SLC36A4: variants seen among roughly 807,000 people sequenced by gnomAD.
SLC36A4 encodes the protein solute carrier family 36 member 4.
SLC36A4 carries 49 observed loss-of-function variants against 50.5 expected under a neutral mutation model. That is an observed-to-expected ratio of 0.97 (90% CI 0.77 to 1.23). The LOEUF is 1.23. Ranked by LOEUF, SLC36A4 falls within the 50% of genes most tolerant of loss-of-function variation. The probability of loss-of-function intolerance (pLI) is 0.00; values close to 1 mark genes in which losing one functional copy is unlikely to be tolerated. For missense variants in SLC36A4, 611 were observed against 608.4 expected (o/e 1.00, Z -0.05); for synonymous variants, 207 against 206.5 (o/e 1.00, Z -0.02).
At chr11:93,166,449 T>C (rs528234477) in intron 7 of SLC36A4, 20 of 983,812 alleles carry the variant, frequency 2.0e-5, no homozygotes, top group Admixed American at 6.0e-5. Flanking sequence ...TTCTCTAAGA[T>C]ACCTGGTTCC....
intron 6 of SLC36A4, among the ~76,000 whole-genome samples, chr11:93,172,557 T>C (rs1424182687): frequency 6.6e-6 from 1 of 151,278 alleles, no homozygotes; most frequent in Non-Finnish European, 1.5e-5. Flanking sequence ...TAACTCGTCA[T>C]CTAGCATTAG....
chr11:93,195,013 A>T (rs1862361043), intron 1 of SLC36A4, among the ~76,000 whole-genome samples: 1 of 152,006 alleles, frequency 6.6e-6, no homozygotes, highest in African/African-American at 2.4e-5. Flanking sequence ...CGGAGCCCTC[A>T]GTTTTGTGCA....
intron 9 of SLC36A4, among the ~76,000 whole-genome samples, chr11:93,157,060 A>G (rs781536851): frequency 1.3e-5 from 2 of 152,172 alleles, no homozygotes; most frequent in Non-Finnish European, 2.9e-5. Context: ...TCTATCCCAT[A>G]TGGCTGGCTG....
At chr11:93,165,891 A>T (rs1416358250) in intron 8 of SLC36A4, 27 bp downstream of exon 8, 4 of 1,406,470 alleles carry the variant, frequency 2.8e-6, no homozygotes, top group Non-Finnish European at 3.9e-6. Context: ...AGATTTTAAA[A>T]AATAATAATA....
chr11:93,175,649 C>G (rs1861428488), intron 6 of SLC36A4, among the ~76,000 whole-genome samples: 1 of 80,802 alleles, frequency 1.2e-5, no homozygotes, highest in South Asian at 4.7e-4. Flanking sequence ...TATGTTGTGT[C>G]TTTGTTCTCG....
At chr11:93,178,399 A>G (rs1472295704) in intron 6 of SLC36A4, among the ~76,000 whole-genome samples, 3 of 152,082 alleles carry the variant, frequency 2.0e-5, no homozygotes, top group African/African-American at 7.2e-5. Context: ...GGCTGCACCC[A>G]CTGTCCAACA....
In SLC36A4 at chr11:93,184,507, G is replaced by C. The variant is rs761099043; in HGVS notation, c.193C>G (p.Leu65Val). ...DQEGISFVQT[L>V]MHLLKGNIGT... ...ATATTTCCTTTAAGAAGGTGCATAAGAGTTTGTACAAATCTGAAAAGTAAA... is the reference window on the plus strand; with the variant it reads ...ATATTTCCTTTAAGAAGGTGCATAACAGTTTGTACAAATCTGAAAAGTAAA... The change falls in exon 3 of 11, where the codon CTT becomes GTT. Residue 65 changes from leucine to valine, a missense_variant. Transcript: ENST00000326402. 8 of 1,601,542 alleles carry C rather than the reference G, an allele frequency of 5.0e-6. No homozygotes were observed. Among genetic ancestry groups the C allele is most frequent in the Non-Finnish European group, 6.8e-6 (8 of 1,170,334 alleles).
At chr11:93,170,450 C>T (rs1261913235) in intron 6 of SLC36A4, among the ~76,000 whole-genome samples, 1 of 151,982 alleles carries the variant, frequency 6.6e-6, no homozygotes, top group African/African-American at 2.4e-5. Flanking sequence ...CTTTTGTCAG[C>T]TGAGCCTCAC....
chr11:93,182,721 C>T, intron 4 of SLC36A4, 85 bp downstream of exon 4: 4 of 935,076 alleles, frequency 4.3e-6, no homozygotes, highest in Non-Finnish European at 6.4e-6. Flanking sequence ...AAACGAAATA[C>T]AAAGCACAGT....
At chr11:93,158,624 C>T (rs1256629210) in intron 9 of SLC36A4, among the ~76,000 whole-genome samples, 1 of 152,006 alleles carries the variant, frequency 6.6e-6, no homozygotes, top group Non-Finnish European at 1.5e-5. Flanking sequence ...CTGTTTCACT[C>T]CTACTCCTTT....
rs773804416 is a variant in SLC36A4, at chr11:93,165,965, G to A, written c.820C>T (p.Pro274Ser). 1 of 1,611,018 alleles carries A rather than the reference G, an allele frequency of 6.2e-7. No homozygotes were observed. Among genetic ancestry groups the A allele is most frequent in the South Asian group, 1.1e-5 (1 of 90,564 alleles). ...AATACAGCAGTACCAAAAAAGAGTG[G>A]GTATTTCTTCCAACCAGCCACTATT... Reference protein sequence around the residue: ...LPIVAGWKKYPLFFGTAVFAF... With the variant: ...LPIVAGWKKYSLFFGTAVFAF... Residue 274 changes from proline (P) to serine (S), a missense_variant, in exon 8 of 11, where the codon CCA becomes TCA. Coordinates refer to ENST00000326402, the MANE Select transcript of SLC36A4 (RefSeq NM_152313.4).
At chr11:93,177,399 T>G (rs1861527730) in intron 6 of SLC36A4, among the ~76,000 whole-genome samples, 1 of 152,198 alleles carries the variant, frequency 6.6e-6, no homozygotes. Context: ...TCGAACATCC[T>G]CCTTTAGCTT....
intron 9 of SLC36A4, among the ~76,000 whole-genome samples, chr11:93,155,725 C>T (rs1860325766): frequency 6.6e-6 from 1 of 152,022 alleles, no homozygotes; most frequent in Non-Finnish European, 1.5e-5. Context: ...CCTCTCCCTC[C>T]TCACACCCTT....
chr11:93,173,288 GGGT>G (rs1861272371), intron 6 of SLC36A4, among the ~76,000 whole-genome samples: 1 of 148,726 alleles, frequency 6.7e-6, no homozygotes, highest in Non-Finnish European at 1.5e-5. Flanking sequence ...CTTTTTGATG[GGGT>G]TGTTTGTTTT....
At chr11:93,189,199 G>A (rs1862112983) in intron 1 of SLC36A4, among the ~76,000 whole-genome samples, 1 of 151,958 alleles carries the variant, frequency 6.6e-6, no homozygotes, top group Non-Finnish European at 1.5e-5. Context: ...GAGTAGCTGG[G>A]ATAACAGGTG....
intron 1 of SLC36A4, among the ~76,000 whole-genome samples, chr11:93,196,401 C>T (rs1283922440): frequency 6.6e-6 from 1 of 152,108 alleles, no homozygotes; most frequent in African/African-American, 2.4e-5. Context: ...GAGTCTCGCT[C>T]TGTTGCCCAG....
At chr11:93,172,542 C>A (rs918958208) in intron 6 of SLC36A4, among the ~76,000 whole-genome samples, 1 of 151,242 alleles carries the variant, frequency 6.6e-6, no homozygotes, top group African/African-American at 2.4e-5. Context: ...GTGCGCTGCA[C>A]CCACTAACTC....
chr11:93,153,636 AAG>A (rs1860208984), intron 10 of SLC36A4, among the ~76,000 whole-genome samples: 3 of 152,154 alleles, frequency 2.0e-5, no homozygotes, highest in Admixed American at 2.0e-4. Flanking sequence ...GTCTTAATAA[AAG>A]ATTATATACA....
At chr11:93,195,002 C>T (rs576464644) in intron 1 of SLC36A4, among the ~76,000 whole-genome samples, 3 of 152,066 alleles carry the variant, frequency 2.0e-5, no homozygotes, top group Non-Finnish European at 2.9e-5. Flanking sequence ...TGGCTATTGT[C>T]CGGAGCCCTC....
Sources: gnomAD v4.1 joint callset for allele counts (sites outside exome capture counted in the v4.1 genomes callset) on GRCh38, gnomAD v4.1.1 for gene constraint, MANE v1.5 for transcripts, NCBI Gene and HGNC (gene_info 2026-07-23, HGNC 2026-07-21) for gene names.